Variants in BRCA2 observed in about 807,000 individuals in gnomAD.
BRCA2 encodes the protein BRCA2 DNA repair associated, also known as breast cancer type 2 susceptibility protein.
A neutral mutation model predicts 276.7 loss-of-function variants in BRCA2; 203 were observed. The observed-to-expected ratio is 0.73, with a 90% confidence interval of 0.65 to 0.82. BRCA2 has a LOEUF of 0.82. Ranked by LOEUF, BRCA2 falls within the 40% of genes least tolerant of loss-of-function variation. The probability of loss-of-function intolerance (pLI) is 0.00; values close to 1 mark genes in which losing one functional copy is unlikely to be tolerated. For synonymous variants in BRCA2, 1,289 were observed against 1,338.4 expected (o/e 0.96, Z 0.81); for missense variants, 3,920 against 3,915.0 (o/e 1.00, Z -0.03).
chr13:32,380,223 G>C (rs772721877), intron 24 of BRCA2, 78 bp downstream of exon 24: 22 of 1,464,556 alleles, frequency 1.5e-5, no homozygotes, highest in Admixed American at 2.5e-5. Flanking sequence ...ATGATTAGTT[G>C]GAGCTACCAG....
rs45574331 is a variant in BRCA2 at position 32,354,870 on chromosome 13, G to C, written c.7017G>C (p.Lys2339Asn). The change falls in exon 14 of 27, where the codon AAG (lysine) becomes AAC (asparagine). Residue 2339 changes from lysine to asparagine, a missense_variant. Physicochemically the swap from Lys to Asn is moderately conservative, Grantham distance 94. Coordinates refer to ENST00000380152, the MANE Select transcript of BRCA2 (RefSeq NM_000059.4). ...PITCVPFRTT[K>N]ERQEIQNPNF... ...TTTCTCCCCATTGCAGCACAACTAA[G>C]GAACGTCAAGAGATACAGAATCCAA... is the stretch of plus-strand genomic sequence containing the variant. 1.3e-3 allele frequency: 2,105 copies of C among 1,583,632 alleles called. 24 individuals are homozygous for C. In the African/African-American group the frequency reaches 0.025, roughly 19 times the overall value.
At chr13:32,325,966 A>T (rs2072341969) in intron 4 of BRCA2, 135 bp from the exon 5 acceptor site, 1 of 790,746 alleles carries the variant, frequency 1.3e-6, no homozygotes, top group African/African-American at 1.8e-5. Flanking sequence ...TTTACTTTTT[A>T]AAATGTAATA....
intron 18 of BRCA2, among the ~76,000 whole-genome samples, chr13:32,363,837 C>T (rs1383460433): frequency 1.3e-5 from 2 of 152,152 alleles, no homozygotes; most frequent in East Asian, 3.8e-4. Flanking sequence ...TTGATCAGAT[C>T]CCTATTCCAC....
At chr13:32,379,257 C>T (rs2137618562) in intron 21 of BRCA2, 60 bp from the exon 22 acceptor site, 1 of 1,538,378 alleles carries the variant, frequency 6.5e-7, no homozygotes, top group Non-Finnish European at 9.0e-7. Context: ...CATCTAGTTA[C>T]AATAGATGGA....
At chr13:32,329,339 G>A (rs1368324165) in intron 7 of BRCA2, 104 bp from the exon 8 acceptor site, 1 of 751,142 alleles carries the variant, frequency 1.3e-6, no homozygotes, top group African/African-American at 1.8e-5. Flanking sequence ...TGTTTCAAAT[G>A]TGTCATGTAA....
intron 20 of BRCA2, among the ~76,000 whole-genome samples, chr13:32,376,426 C>T (rs1400343169): frequency 6.6e-6 from 1 of 150,608 alleles, no homozygotes. Flanking sequence ...GAGGCTGAGG[C>T]AGGAGAACCA....
Position 32,316,412 on chromosome 13 carries a change from T to C in BRCA2, c.-39-10T>C, listed in dbSNP as rs777190345. 7 of 1,544,054 alleles carry C rather than the reference T, an allele frequency of 4.5e-6. No individual in the cohort carries two copies. Among genetic ancestry groups the C allele is most frequent in the Non-Finnish European group, 6.3e-6 (7 of 1,117,132 alleles). ...CCTGTGTAAGTGCATTTTGGTCTTCTGTTTTGCAGACTTATTTACCAAGCA... is the reference window on the plus strand; with the variant it reads ...CCTGTGTAAGTGCATTTTGGTCTTCCGTTTTGCAGACTTATTTACCAAGCA... On this transcript the variant is annotated splice_polypyrimidine_tract_variant and intron_variant, in intron 1 of 26. Transcript: ENST00000380152.
chr13:32,363,059 T>A, intron 17 of BRCA2, 120 bp from the exon 18 acceptor site: 1 of 887,098 alleles, frequency 1.1e-6, no homozygotes, highest in Non-Finnish European at 1.7e-6. Context: ...ACAAAATTTT[T>A]AATTCTCAGT....
intron 16 of BRCA2, among the ~76,000 whole-genome samples, chr13:32,362,010 T>TA (rs1266224322): frequency 1.3e-5 from 2 of 152,134 alleles, no homozygotes; most frequent in Non-Finnish European, 2.9e-5. Flanking sequence ...TGTTGACTGT[T>TA]AAGTGGAATT....
At position 32,339,581 on chromosome 13, in the gene BRCA2, C is replaced by A. The variant is rs1057522266; in HGVS notation, c.5226C>A (p.Asn1742Lys). ...LSEKQDTYLS[N>K]SSMSNSYSYH... ...AAAAACAAGATACTTATTTAAGTAA[C>A]AGTAGCATGTCTAACAGCTATTCCT... is the stretch of plus-strand genomic sequence containing the variant. The change falls in exon 11 of 27, where the codon AAC (asparagine) becomes AAA (lysine). Residue 1742 changes from asparagine to lysine, a missense_variant. Around this residue, in one of 2 missense-constraint regions of BRCA2, gnomAD observed 3,263 missense variants for 3,156.9 expected, o/e 1.03. Transcript: ENST00000380152. The A allele has an allele frequency of 6.2e-7, 1 of 1,610,150 alleles. No homozygotes were observed.
At chr13:32,336,082 G>A (rs1212954008) in intron 10 of BRCA2, among the ~76,000 whole-genome samples, 183 bp from the exon 11 acceptor site, 3 of 151,796 alleles carry the variant, frequency 2.0e-5, no homozygotes. Flanking sequence ...GTCTCACTAT[G>A]TTGCCCAGGC....
Position 32,332,794 on chromosome 13 carries a change from T to G in BRCA2, c.1316T>G (p.Phe439Cys). 1 of 1,607,926 alleles carries G rather than the reference T, an allele frequency of 6.2e-7. No homozygotes were observed. The change falls in exon 10 of 27, where the codon TTT (phenylalanine) becomes TGT (cysteine). Residue 439 changes from phenylalanine (F) to cysteine (C), a missense_variant. Phe to Cys is a radical substitution (Grantham distance 205). Coordinates refer to ENST00000380152, the MANE Select transcript of BRCA2 (RefSeq NM_000059.4). ...LDTENKRKKD[F>C]LTSENSLPRI... ...ACAGAGAACAAAAGAAAGAAAGATTTTCTTACTTCAGAGAATTCTTTGCCA... is the reference window on the plus strand; with the variant it reads ...ACAGAGAACAAAAGAAAGAAAGATTGTCTTACTTCAGAGAATTCTTTGCCA...
At chr13:32,368,274 C>A (rs1013461590) in intron 18 of BRCA2, among the ~76,000 whole-genome samples, 6 of 151,816 alleles carry the variant, frequency 4.0e-5, no homozygotes, top group Non-Finnish European at 7.4e-5. Context: ...CCCGCCTTGG[C>A]CTCCCAAAGT....
intron 24 of BRCA2, among the ~76,000 whole-genome samples, chr13:32,384,080 C>CG: frequency 6.6e-6 from 1 of 152,088 alleles, no homozygotes; most frequent in Admixed American, 6.5e-5. Flanking sequence ...ATGAGTGAGC[C>CG]AGGGTCAATG....
rs760602053 is a variant in BRCA2 at position 32,339,855 on chromosome 13, A to G, written c.5500A>G (p.Ser1834Gly). 6.2e-7 allele frequency: 1 copy of G among 1,613,390 alleles called. No individual in the cohort carries two copies. The highest frequency in any genetic ancestry group is 8.5e-7 in the Non-Finnish European group (1 of 1,179,618). Reference protein sequence around the residue: ...NAAIKLSISNSNNFEVGPPAF... With the variant: ...NAAIKLSISNGNNFEVGPPAF... Reference sequence around the variant, plus strand: ...AGCCATTAAATTGTCCATATCTAATAGTAATAATTTTGAGGTAGGGCCACC... The same window carrying G: ...AGCCATTAAATTGTCCATATCTAATGGTAATAATTTTGAGGTAGGGCCACC... Residue 1834 changes from serine to glycine, a missense_variant, in exon 11 of 27, where the codon AGT (serine) becomes GGT (glycine). Ser to Gly is a moderately conservative substitution (Grantham distance 56). Transcript: ENST00000380152.
rs80358958 is a variant in BRCA2, at chr13:32,355,175, G to C, written c.7322G>C (p.Gly2441Ala). 1.2e-6 allele frequency: 2 copies of C among 1,613,826 alleles called. No homozygotes were observed. Among genetic ancestry groups the C allele is most frequent in the African/African-American group, 1.3e-5 (1 of 75,004 alleles). Reference sequence around the variant, plus strand: ...CAAAAGCAAAACATTGATGGACATGGCTCTGATGATAGTAAAAATAAGATT... The same window carrying C: ...CAAAAGCAAAACATTGATGGACATGCCTCTGATGATAGTAAAAATAAGATT... Reference protein sequence around the residue: ...NRQKQNIDGHGSDDSKNKIND... With the variant: ...NRQKQNIDGHASDDSKNKIND... Residue 2441 changes from glycine (G) to alanine (A), a missense_variant, in exon 14 of 27, where the codon GGC becomes GCC. By Grantham distance (60) the Gly-to-Ala change is moderately conservative. Transcript: ENST00000380152.
At chr13:32,380,268 G>T in intron 24 of BRCA2, 123 bp downstream of exon 24, 1 of 949,980 alleles carries the variant, frequency 1.1e-6, no homozygotes, top group South Asian at 1.8e-5. Flanking sequence ...TGATCTGAAA[G>T]TAAGCCTCTT....
chr13:32,344,427 T>C, intron 11 of BRCA2, 131 bp from the exon 12 acceptor site: 1 of 607,896 alleles, frequency 1.6e-6, no homozygotes, highest in South Asian at 2.0e-5. Flanking sequence ...TAGGTCACTA[T>C]TTGTTGTAAG....
rs587782755 is a variant in BRCA2, at chr13:32,332,743, A to G, written c.1265A>G (p.Asn422Ser). ...TTGCATATTTCTTCATGTGACCAAA[A>G]TATTTCAGAAAAAGACCTATTAGAC... Reference protein sequence around the residue: ...PLLHISSCDQNISEKDLLDTE... With the variant: ...PLLHISSCDQSISEKDLLDTE... The change falls in exon 10 of 27, where the codon AAT (asparagine) becomes AGT (serine). Residue 422 changes from asparagine (N) to serine (S), a missense_variant. Around this residue, in one of 2 missense-constraint regions of BRCA2, gnomAD observed 3,263 missense variants for 3,156.9 expected, o/e 1.03. Transcript: ENST00000380152. 1 of 1,609,672 alleles carries G rather than the reference A, an allele frequency of 6.2e-7. No individual in the cohort carries two copies. The highest frequency in any genetic ancestry group is 1.1e-5 in the South Asian group (1 of 89,778).
Sources: gnomAD v4.1 joint callset for allele counts (sites outside exome capture counted in the v4.1 genomes callset) on GRCh38, gnomAD v4.1.1 for gene constraint, gnomAD v4.1.1 regional missense constraint, MANE v1.5 for transcripts, NCBI Gene and HGNC (gene_info 2026-07-23, HGNC 2026-07-21) for gene names.